SERPINA4: variants seen among roughly 807,000 people sequenced by gnomAD.
SERPINA4 encodes the protein kallistatin.
Under a neutral mutation model 25.4 loss-of-function variants are expected in SERPINA4, and 24 were observed. That is an observed-to-expected ratio of 0.95 (90% CI 0.69 to 1.33). The LOEUF (loss-of-function observed/expected upper bound fraction) is 1.33, where lower values mean the gene tolerates loss of function less well. SERPINA4 is among the 40% of genes most tolerant of loss of function. The pLI is 0.00. For missense variants in SERPINA4, 553 were observed against 535.8 expected (o/e 1.03, Z -0.32); for synonymous variants, 242 against 223.6 (o/e 1.08, Z -0.73).
rs1902167824 is a variant in SERPINA4, at chr14:94,565,265, G to T, written c.649+1134G>T. ...TGCATAGTTTCTGTGGTAGCCTGGG[G>T]CTGCTGTTGTTTAGTGGGGTTAGAC... On this transcript the variant is annotated intron_variant, in intron 2 of 4. Coordinates refer to ENST00000557004, the MANE Select transcript of SERPINA4 (RefSeq NM_006215.4). 2.6e-5 allele frequency among the ~76,000 whole-genome samples: 4 copies of T among 152,286 alleles called. 1 individual carries two copies. In the South Asian group the frequency reaches 8.3e-4, roughly 32 times the overall value.
intron 3 of SERPINA4, 24 bp downstream of exon 3, chr14:94,567,267 G>A (rs1486816983): frequency 6.2e-7 from 1 of 1,600,372 alleles, no homozygotes; most frequent in Admixed American, 1.7e-5. Flanking sequence ...TATGGGGGCT[G>A]AATCTACAGT....
At chr14:94,568,098 AT>A (rs1220534033) in intron 3 of SERPINA4, 30 bp from the exon 4 acceptor site, 7 of 1,612,502 alleles carry the variant, frequency 4.3e-6, no homozygotes, top group Non-Finnish European at 5.9e-6. Flanking sequence ...TTGTTCATTA[AT>A]CTAATGTTCT....
At chr14:94,561,709 G>A in intron 1 of SERPINA4, 1 of 1,289,618 alleles carries the variant, frequency 7.8e-7, no homozygotes, top group Non-Finnish European at 1.0e-6. Flanking sequence ...GGCACTGGTG[G>A]GTGACTATGC....
intron 3 of SERPINA4, among the ~76,000 whole-genome samples, 164 bp downstream of exon 3, chr14:94,567,407 G>A (rs1354964487): frequency 1.3e-5 from 2 of 152,148 alleles, no homozygotes; most frequent in Non-Finnish European, 2.9e-5. Context: ...GAACTCTCCT[G>A]TTATATTTAA....
At chr14:94,566,253 T>C (rs571940464) in intron 2 of SERPINA4, among the ~76,000 whole-genome samples, 1 of 152,346 alleles carries the variant, frequency 6.6e-6, no homozygotes, top group South Asian at 2.1e-4. Flanking sequence ...TGAATGTGGT[T>C]GAAGAAAAAC....
At chr14:94,566,431 T>A (rs559739927) in intron 2 of SERPINA4, among the ~76,000 whole-genome samples, 1 of 152,284 alleles carries the variant, frequency 6.6e-6, no homozygotes, top group African/African-American at 2.4e-5. Flanking sequence ...CACTTAACAA[T>A]CTTGTCTCAC....
At chr14:94,569,172 C>T (rs1902314857) in intron 4 of SERPINA4, among the ~76,000 whole-genome samples, 1 of 152,202 alleles carries the variant, frequency 6.6e-6, no homozygotes, top group Admixed American at 6.5e-5. Flanking sequence ...GCCCCGGGCA[C>T]AGAGCAAGTG....
chr14:94,564,243 T>G (rs1902132635), intron 2 of SERPINA4, 112 bp downstream of exon 2: 2 of 1,134,098 alleles, frequency 1.8e-6, no homozygotes, highest in South Asian at 2.9e-5. Context: ...ACGTTGTGTC[T>G]GATAGGGTTG....
At chr14:94,566,907 T>C (rs1034154449) in intron 2 of SERPINA4, 63 bp from the exon 3 acceptor site, 1 of 1,540,618 alleles carries the variant, frequency 6.5e-7, no homozygotes, top group Non-Finnish European at 8.8e-7. Context: ...TGGCATTCCC[T>C]GGCTGGAGGA....
At position 94,562,298 on chromosome 14, in the gene SERPINA4, G is replaced by A. The variant is rs534966733; in HGVS notation, c.-18+804G>A. 3.3e-5 allele frequency among the ~76,000 whole-genome samples: 5 copies of A among 152,314 alleles called. No individual in the cohort carries two copies. In the South Asian group the frequency reaches 1.0e-3, roughly 32 times the overall value. The stretch of plus-strand genomic sequence containing the variant: ...TACTATCTGGCGCTTTGCAGAAAAA[G>A]TTTTCTGAGCCCTGGTTGAGGATCA... On this transcript the variant is annotated intron_variant, in intron 1 of 4. Transcript: ENST00000557004.
At chr14:94,568,334 G>C in intron 4 of SERPINA4, 46 bp downstream of exon 4, 1 of 1,600,902 alleles carries the variant, frequency 6.2e-7, no homozygotes, top group Non-Finnish European at 8.5e-7. Context: ...CGGTAGGGCA[G>C]TGCCCATGGG....
In SERPINA4 at chr14:94,568,218, T is replaced by C. The variant is rs1387715903; in HGVS notation, c.1013T>C (p.Phe338Ser). 6.2e-7 allele frequency: 1 copy of C among 1,614,138 alleles called. No homozygotes were observed. The highest frequency in any genetic ancestry group is 8.5e-7 in the Non-Finnish European group (1 of 1,180,042). ...VLDQILPRLG[F>S]TDLFSKWADL... ...GATCAGATTTTGCCCAGGCTGGGCT[T>C]CACGGATCTGTTCTCCAAGTGGGCT... The change falls in exon 4 of 5, where the codon TTC becomes TCC. Residue 338 changes from phenylalanine to serine, a missense_variant. By Grantham distance (155) the Phe-to-Ser change is radical. Transcript: ENST00000557004.
chr14:94,563,477 C>A lies in SERPINA4; in HGVS notation c.-6C>A, dbSNP rs758092955. 6.2e-7 allele frequency: 1 copy of A among 1,607,656 alleles called. No homozygotes were observed. The highest frequency in any genetic ancestry group is 1.1e-5 in the South Asian group (1 of 90,598). ...CTTCCCTCCCATAGGCCTGAGAGTGCAGAGGATGCATCTTATCGACTACCT... is the reference window on the plus strand; with the variant it reads ...CTTCCCTCCCATAGGCCTGAGAGTGAAGAGGATGCATCTTATCGACTACCT... On this transcript the variant is annotated 5_prime_UTR_variant, in exon 2 of 5. Transcript: ENST00000557004.
intron 3 of SERPINA4, 148 bp from the exon 4 acceptor site, chr14:94,567,981 G>A: frequency 1.3e-6 from 1 of 744,394 alleles, no homozygotes; most frequent in Non-Finnish European, 2.2e-6. Context: ...ACATCCATTT[G>A]TGGGAGGTGG....
At chr14:94,568,023 T>A in intron 3 of SERPINA4, 106 bp from the exon 4 acceptor site, 1 of 1,138,036 alleles carries the variant, frequency 8.8e-7, no homozygotes, top group Non-Finnish European at 1.3e-6. Context: ...GGGACAGAAC[T>A]CAGATGGAAT....
chr14:94,569,789 G>A lies in SERPINA4; in HGVS notation c.*194G>A. ...GGGCCTGGACATTCCACACCCTGGT[G>A]CTGTGCAGCCTCTGGCAGAGCATCC... On this transcript the variant is annotated 3_prime_UTR_variant, in exon 5 of 5. Coordinates refer to ENST00000557004, the MANE Select transcript of SERPINA4 (RefSeq NM_006215.4). 1 of 617,966 alleles carries A rather than the reference G, an allele frequency of 1.6e-6. No individual in the cohort carries two copies. Among genetic ancestry groups the A allele is most frequent in the South Asian group, 2.0e-5 (1 of 50,862 alleles). 38.3% of individuals were successfully genotyped at this position (617,966 alleles called of 1,614,324 possible).
chr14:94,568,251 C>G lies in SERPINA4; in HGVS notation c.1046C>G (p.Ser349Cys). The G allele has an allele frequency of 6.2e-7, 1 of 1,614,200 alleles. No homozygotes were observed. Among genetic ancestry groups the G allele is most frequent in the Non-Finnish European group, 8.5e-7 (1 of 1,180,030 alleles). ...TDLFSKWADL[S>C]GITKQQKLEA... ...CTGTTCTCCAAGTGGGCTGACTTAT[C>G]CGGCATCACCAAACAGCAAAAACTG... is the stretch of plus-strand genomic sequence containing the variant. Residue 349 changes from serine (S) to cysteine (C), a missense_variant, in exon 4 of 5, where the codon TCC becomes TGC. Physicochemically the swap from Ser to Cys is moderately radical, Grantham distance 112. Transcript: ENST00000557004.
rs747344836 is a variant in SERPINA4 at position 94,564,166 on chromosome 14, C to T, written c.649+35C>T. On this transcript the variant is annotated intron_variant, in intron 2 of 4. Coordinates refer to ENST00000557004, the MANE Select transcript of SERPINA4 (RefSeq NM_006215.4). ...AGATCATTGGTATATGCTAAATCCACACCACCGCCTCCAACCCACTAATTT... is the reference window on the plus strand; with the variant it reads ...AGATCATTGGTATATGCTAAATCCATACCACCGCCTCCAACCCACTAATTT... 17 of 1,579,564 alleles carry T rather than the reference C, an allele frequency of 1.1e-5. No individual in the cohort carries two copies. In the South Asian group the frequency reaches 1.8e-4, roughly 16 times the overall value.
rs749389570 is a variant in SERPINA4 at position 94,569,614 on chromosome 14, T to A, written c.*19T>A. ...ACCATAGCCCTCCCAGGGCTGCTCA[T>A]CTGTTCCAAGCAGGAGGATGTGGCA... is the stretch of plus-strand genomic sequence containing the variant. On this transcript the variant is annotated 3_prime_UTR_variant, in exon 5 of 5. Coordinates refer to ENST00000557004, the MANE Select transcript of SERPINA4 (RefSeq NM_006215.4). The A allele has an allele frequency of 1.2e-6, 2 of 1,613,396 alleles. No homozygotes were observed. Among genetic ancestry groups the A allele is most frequent in the Non-Finnish European group, 1.7e-6 (2 of 1,179,524 alleles).
Sources: allele counts gnomAD v4.1 joint callset (sites outside exome capture counted in the v4.1 genomes callset), GRCh38; gene constraint gnomAD v4.1.1; transcripts MANE v1.5; gene names NCBI Gene and HGNC (gene_info 2026-07-23, HGNC 2026-07-21).